Variants in ACOT12 observed in about 807,000 individuals in gnomAD.
The protein encoded by ACOT12 is acyl-CoA thioesterase 12, also known as acetyl-coenzyme A thioesterase.
In ACOT12, 51 loss-of-function variants were observed where a neutral mutation model predicts 67.7. That is an observed-to-expected ratio of 0.75 (90% CI 0.60 to 0.95). The LOEUF (loss-of-function observed/expected upper bound fraction) is 0.95, where lower values mean the gene tolerates loss of function less well. Among genes scored for constraint, ACOT12 ranks in the 40% least tolerant of loss-of-function variants. The pLI, the probability that ACOT12 is intolerant of heterozygous loss-of-function variation, is 0.00. For synonymous variants in ACOT12, 251 were observed against 244.6 expected (o/e 1.03, Z -0.24); for missense variants, 734 against 708.1 (o/e 1.04, Z -0.41).
intron 2 of ACOT12, among the ~76,000 whole-genome samples, chr5:81,373,323 G>C (rs1760311144): frequency 6.6e-6 from 1 of 152,188 alleles, no homozygotes; most frequent in Admixed American, 6.5e-5. Flanking sequence ...GTGAGGAATG[G>C]TGCACTCTGG....
chr5:81,369,395 T>C (rs1760177958), intron 3 of ACOT12, among the ~76,000 whole-genome samples: 1 of 152,160 alleles, frequency 6.6e-6, no homozygotes, highest in Non-Finnish European at 1.5e-5. Context: ...CTGGCCTCAG[T>C]TGTGGCAGGA....
chr5:81,326,082 T>C (rs115722705), downstream of ACOT12, among the ~76,000 whole-genome samples: 2,245 of 151,052 alleles, frequency 0.015, 45 homozygotes, highest in African/African-American at 0.052. Flanking sequence ...GCTGGGATTA[T>C]AGGCATGAGC....
chr5:81,361,497 A>G (rs79546090), intron 4 of ACOT12, among the ~76,000 whole-genome samples: 1,900 of 152,276 alleles, frequency 0.012, 31 homozygotes, highest in South Asian at 0.018. Context: ...CACTGCACCC[A>G]GCCTGATTTA....
chr5:81,353,337 G>A (rs1364428622), intron 5 of ACOT12, among the ~76,000 whole-genome samples: 3 of 152,156 alleles, frequency 2.0e-5, no homozygotes, highest in South Asian at 4.1e-4. Context: ...ATTCAGGCTC[G>A]CAGTTCTGGT....
At chr5:81,341,635 C>G (rs527296204) in intron 11 of ACOT12, among the ~76,000 whole-genome samples, 1 of 152,164 alleles carries the variant, frequency 6.6e-6, no homozygotes, top group Non-Finnish European at 1.5e-5. Flanking sequence ...AAGTGCCAGG[C>G]GCTCCTATGG....
rs1372082645 is a variant in ACOT12, at chr5:81,363,878, C to T, written c.270G>A (p.Lys90=). 1.0e-5 allele frequency: 16 copies of T among 1,584,180 alleles called. No individual in the cohort carries two copies. Among genetic ancestry groups the T allele is most frequent in the Non-Finnish European group, 1.4e-5 (16 of 1,165,492 alleles). Residue 90 remains lysine (K), a synonymous_variant, in exon 4 of 15, where the codon AAG becomes AAA. Coordinates refer to ENST00000307624, the MANE Select transcript of ACOT12 (RefSeq NM_130767.3). Reference sequence around the variant, plus strand: ...CAGTGAGCATATCCTGTACCATGACCTTGATACTGATCTAAAATGAAAAAA... The same window carrying T: ...CAGTGAGCATATCCTGTACCATGACTTTGATACTGATCTAAAATGAAAAAA... ...AFSTSMEISI[K]VMVQDMLTGI... is the part of the protein sequence containing the mutation.
At position 81,347,940 on chromosome 5, in the gene ACOT12, G is replaced by A. The variant is rs1270140344; in HGVS notation, c.497-10C>T. 4 of 1,611,984 alleles carry A rather than the reference G, an allele frequency of 2.5e-6. No homozygotes were observed. The highest frequency in any genetic ancestry group is 1.7e-5 in the Admixed American group (1 of 59,828). On this transcript the variant is annotated splice_polypyrimidine_tract_variant and intron_variant, in intron 5 of 14. Coordinates refer to ENST00000307624, the MANE Select transcript of ACOT12 (RefSeq NM_130767.3). Reference sequence around the variant, plus strand: ...TCATCAAAAATGAGATCTGAAAGGTGGATGTAAACATTAATGATGGTGGAG... The same window carrying A: ...TCATCAAAAATGAGATCTGAAAGGTAGATGTAAACATTAATGATGGTGGAG...
chr5:81,381,854 G>C lies in ACOT12; in HGVS notation c.197+3903C>G, dbSNP rs376397537. On this transcript the variant is annotated intron_variant, in intron 2 of 14. Coordinates refer to ENST00000307624, the MANE Select transcript of ACOT12 (RefSeq NM_130767.3). ...ATGAACTTAAGAATGTATGAAGTCA[G>C]TAGCTTAACCACATGGAAAATGATT... is the stretch of plus-strand genomic sequence containing the variant. Among the ~76,000 whole-genome samples, 3 of 152,302 alleles carry C rather than the reference G, an allele frequency of 2.0e-5. No homozygotes were observed. In the East Asian group the frequency reaches 5.8e-4, roughly 29 times the overall value.
At chr5:81,355,070 C>T (rs1359640116) in intron 5 of ACOT12, among the ~76,000 whole-genome samples, 4 of 152,106 alleles carry the variant, frequency 2.6e-5, no homozygotes, top group South Asian at 2.1e-4. Flanking sequence ...CTTTGAGGGT[C>T]GCCTGTAGCT....
the ACOT12 span, among the ~76,000 whole-genome samples, chr5:81,314,255 C>T: frequency 6.6e-6 from 1 of 151,950 alleles, no homozygotes; most frequent in East Asian, 1.9e-4. Flanking sequence ...TAGGCACGCA[C>T]CACCACACCC....
intron 3 of ACOT12, among the ~76,000 whole-genome samples, chr5:81,365,839 G>A (rs766221050): frequency 6.6e-6 from 1 of 152,140 alleles, no homozygotes; most frequent in African/African-American, 2.4e-5. Flanking sequence ...TGAATTGAAT[G>A]GAGCTAAAAT....
At chr5:81,311,677 G>A in the ACOT12 span, among the ~76,000 whole-genome samples, 2 of 152,248 alleles carry the variant, frequency 1.3e-5, no homozygotes, top group East Asian at 3.9e-4. Flanking sequence ...TGCTTTGTAT[G>A]TACCTAAAAG....
intron 11 of ACOT12, among the ~76,000 whole-genome samples, chr5:81,341,707 T>C (rs1759197570): frequency 6.6e-6 from 1 of 152,162 alleles, no homozygotes; most frequent in Non-Finnish European, 1.5e-5. Flanking sequence ...ATTGTGGGCA[T>C]GAGCTTCCGA....
chr5:81,391,956 T>C (rs1428171892), intron 1 of ACOT12, among the ~76,000 whole-genome samples: 1 of 152,048 alleles, frequency 6.6e-6, no homozygotes, highest in African/African-American at 2.4e-5. Context: ...TGGAAAAGAT[T>C]CACAAATAAA....
intron 11 of ACOT12, among the ~76,000 whole-genome samples, chr5:81,337,754 T>G (rs1301238656): frequency 6.6e-6 from 1 of 152,194 alleles, no homozygotes; most frequent in Non-Finnish European, 1.5e-5. Flanking sequence ...GCTTCCAGAA[T>G]TGTGAGACAA....
chr5:81,370,902 T>C (rs1410624168), intron 3 of ACOT12, among the ~76,000 whole-genome samples: 1 of 152,202 alleles, frequency 6.6e-6, no homozygotes, highest in African/African-American at 2.4e-5. Context: ...TTCCTGCTAA[T>C]TTAACCTGAA....
intron 4 of ACOT12, among the ~76,000 whole-genome samples, chr5:81,362,028 C>A (rs1759925177): frequency 6.6e-6 from 1 of 152,118 alleles, no homozygotes; most frequent in Non-Finnish European, 1.5e-5. Context: ...ATAAGTTAGT[C>A]TGGAAAGGTG....
chr5:81,344,406 G>A (rs565779307), intron 8 of ACOT12, among the ~76,000 whole-genome samples, 191 bp from the exon 9 acceptor site: 3 of 152,258 alleles, frequency 2.0e-5, no homozygotes, highest in African/African-American at 7.2e-5. Flanking sequence ...CACTGACAAA[G>A]GTGCAATCTT....
chr5:81,351,026 A>T (rs1174947945), intron 5 of ACOT12, among the ~76,000 whole-genome samples: 1 of 152,140 alleles, frequency 6.6e-6, no homozygotes, highest in African/African-American at 2.4e-5. Context: ...CTGGACTTCA[A>T]AGTTTTCTCT....
Sources: allele counts gnomAD v4.1 joint callset (sites outside exome capture counted in the v4.1 genomes callset), GRCh38; gene constraint gnomAD v4.1.1; transcripts MANE v1.5; gene names NCBI Gene and HGNC (gene_info 2026-07-23, HGNC 2026-07-21).